Variants in TBC1D2B observed in about 807,000 individuals in gnomAD.
The protein encoded by TBC1D2B is TBC1 domain family member 2B.
Under a neutral mutation model 100.8 loss-of-function variants are expected in TBC1D2B, and 64 were observed. That is an observed-to-expected ratio of 0.64 (90% confidence interval 0.52 to 0.78). TBC1D2B has a LOEUF of 0.78. Ranked by LOEUF, TBC1D2B falls within the 30% of genes least tolerant of loss-of-function variation. TBC1D2B has a pLI of 0.00. For synonymous variants in TBC1D2B, 480 were observed against 479.7 expected, an observed-to-expected ratio of 1.00 and a Z score of -0.01; for missense variants, 1,052 against 1,218.4, an observed-to-expected ratio of 0.86 and a Z score of 2.03.
intron 6 of TBC1D2B, 40 bp from the exon 7 acceptor site, chr15:78,017,997 G>C (rs557431576): frequency 2.0e-5 from 22 of 1,124,534 alleles, no homozygotes; most frequent in Non-Finnish European, 2.9e-5. Context: ...CACATTGGTT[G>C]AATATTGACT....
chr15:78,045,100 T>C, intron 2 of TBC1D2B, 32 bp from the exon 3 acceptor site: 5 of 1,576,572 alleles, frequency 3.2e-6, no homozygotes, highest in South Asian at 1.2e-5. Context: ...TGTCAGTTAC[T>C]CAAAGCTTCC....
intron 1 of TBC1D2B, among the ~76,000 whole-genome samples, chr15:78,076,682 T>G (rs992086955): frequency 2.3e-4 from 35 of 151,970 alleles, no homozygotes; most frequent in African/African-American, 8.5e-4. Flanking sequence ...AGCCCAGGCA[T>G]GGAGGCTGCA....
chr15:78,063,150 G>A (rs2073583759), intron 1 of TBC1D2B, among the ~76,000 whole-genome samples: 1 of 152,092 alleles, frequency 6.6e-6, no homozygotes, highest in Non-Finnish European at 1.5e-5. Flanking sequence ...AAGCTCAGAA[G>A]AGTATTTGGC....
At chr15:78,046,575 T>A (rs1389057660) in intron 2 of TBC1D2B, among the ~76,000 whole-genome samples, 1 of 151,986 alleles carries the variant, frequency 6.6e-6, no homozygotes, top group Non-Finnish European at 1.5e-5. Flanking sequence ...CATGCAATCC[T>A]CTTGCTTCAG....
At chr15:78,072,586 G>C (rs555878776) in intron 1 of TBC1D2B, among the ~76,000 whole-genome samples, 1 of 152,346 alleles carries the variant, frequency 6.6e-6, no homozygotes, top group Middle Eastern at 3.4e-3. Context: ...AAGTGGTTAA[G>C]AATAGGGGTA....
chr15:78,003,059 C>T, intron 11 of TBC1D2B: 1 of 390,458 alleles, frequency 2.6e-6, no homozygotes, highest in Non-Finnish European at 4.8e-6. Context: ...CAGGCTCAAA[C>T]TGTAAGCCAT....
intron 6 of TBC1D2B, among the ~76,000 whole-genome samples, chr15:78,022,644 G>A (rs2072544046): frequency 2.0e-5 from 3 of 152,024 alleles, no homozygotes; most frequent in Admixed American, 2.0e-4. Context: ...TGCTTTCCAG[G>A]GCTCAAGCAA....
At chr15:78,022,610 T>C (rs2072543022) in intron 6 of TBC1D2B, among the ~76,000 whole-genome samples, 1 of 152,046 alleles carries the variant, frequency 6.6e-6, no homozygotes, top group Non-Finnish European at 1.5e-5. Context: ...GGTGTGAGGA[T>C]CTCCGCTCAC....
intron 6 of TBC1D2B, 57 bp downstream of exon 6, chr15:78,024,099 T>C: frequency 1.3e-6 from 2 of 1,542,760 alleles, no homozygotes; most frequent in Non-Finnish European, 8.7e-7. Context: ...GCCAGGCCTC[T>C]GGGGTGACAT....
chr15:78,020,622 T>G (rs940211175), intron 6 of TBC1D2B, among the ~76,000 whole-genome samples: 1 of 152,206 alleles, frequency 6.6e-6, no homozygotes, highest in Non-Finnish European at 1.5e-5. Flanking sequence ...AGTGGTGATC[T>G]GGGTTTGAAT....
intron 12 of TBC1D2B, among the ~76,000 whole-genome samples, chr15:78,001,132 C>A (rs969473041): frequency 1.3e-5 from 2 of 152,236 alleles, no homozygotes; most frequent in African/African-American, 4.8e-5. Flanking sequence ...CAGCTCTGCG[C>A]CACCACTCCT....
At chr15:78,052,409 C>T (rs533639980) in intron 2 of TBC1D2B, among the ~76,000 whole-genome samples, 1 of 152,254 alleles carries the variant, frequency 6.6e-6, no homozygotes, top group East Asian at 1.9e-4. Flanking sequence ...AGGGACAAAG[C>T]TCATCTTGAG....
intron 1 of TBC1D2B, among the ~76,000 whole-genome samples, chr15:78,057,205 T>C (rs1004694923): frequency 1.4e-5 from 2 of 143,540 alleles, no homozygotes; most frequent in African/African-American, 6.0e-5. Context: ...ACTAAATTCC[T>C]GAGGCAAAAC....
At chr15:78,020,865 G>A (rs558562991) in intron 6 of TBC1D2B, among the ~76,000 whole-genome samples, 6 of 152,292 alleles carry the variant, frequency 3.9e-5, no homozygotes, top group South Asian at 4.1e-4. Flanking sequence ...CTGTAGGCAC[G>A]GAGGTATTCA....
At chr15:78,057,847 T>C (rs2073458924) in intron 1 of TBC1D2B, among the ~76,000 whole-genome samples, 1 of 152,172 alleles carries the variant, frequency 6.6e-6, no homozygotes, top group African/African-American at 2.4e-5. Flanking sequence ...CCACTAAAAG[T>C]ACAACACAGC....
intron 4 of TBC1D2B, among the ~76,000 whole-genome samples, chr15:78,029,081 G>C (rs1035559294): frequency 3.4e-5 from 5 of 148,500 alleles, no homozygotes; most frequent in African/African-American, 1.2e-4. Flanking sequence ...TTTTGAGACA[G>C]AGTCTCGGTC....
At chr15:78,029,333 C>A (rs1053456736) in intron 4 of TBC1D2B, among the ~76,000 whole-genome samples, 1 of 152,182 alleles carries the variant, frequency 6.6e-6, no homozygotes, top group Admixed American at 6.5e-5. Context: ...GCTGGGATTA[C>A]AGGCGTAAGC....
intron 2 of TBC1D2B, among the ~76,000 whole-genome samples, chr15:78,050,642 A>G (rs938098486): frequency 3.9e-5 from 6 of 152,194 alleles, no homozygotes; most frequent in African/African-American, 1.4e-4. Flanking sequence ...CTAGGTCTTT[A>G]TCTATCCAGA....
chr15:78,059,782 G>C (rs911913915), intron 1 of TBC1D2B, among the ~76,000 whole-genome samples: 11 of 152,066 alleles, frequency 7.2e-5, no homozygotes, highest in Non-Finnish European at 5.9e-5. Context: ...CCTCCCACCA[G>C]CTCTCAACTT....
Sources: gnomAD v4.1 joint callset for allele counts (sites outside exome capture counted in the v4.1 genomes callset) on GRCh38, gnomAD v4.1.1 for gene constraint, MANE v1.5 for transcripts, NCBI Gene and HGNC (gene_info 2026-07-23, HGNC 2026-07-21) for gene names.